The following AGAP5 variants were observed in gnomAD, a reference collection of about 807,000 sequenced individuals.
The protein encoded by AGAP5 is arf-GAP with GTPase, ANK repeat and PH domain-containing protein 5.
In AGAP5, 8 loss-of-function variants were observed where a neutral mutation model predicts 27.7. The observed-to-expected ratio is 0.29, with a 90% confidence interval of 0.17 to 0.52. The LOEUF (loss-of-function observed/expected upper bound fraction) is 0.52. AGAP5 is among the 20% of genes least tolerant of loss of function. The pLI, the probability that AGAP5 is intolerant of heterozygous loss-of-function variation, is 0.97. For missense variants in AGAP5, 285 were observed against 880.8 expected, an observed-to-expected ratio of 0.32 and a Z score of 8.56; for synonymous variants, 111 against 338.0, an observed-to-expected ratio of 0.33 and a Z score of 7.37.
At chr10:73,692,646 T>C (rs1208971979) in intron 3 of AGAP5, among the ~76,000 whole-genome samples, 1 of 142,526 alleles carries the variant, frequency 7.0e-6, no homozygotes. Flanking sequence ...TTTTTTTTTT[T>C]TTTTTTTTTT....
Position 73,698,084 on chromosome 10 carries a change from C to T in AGAP5, c.-329G>A. On this transcript the variant is annotated 5_prime_UTR_variant, in exon 1 of 8. Transcript: ENST00000374094. Reference sequence around the variant, plus strand: ...TGAAGAGAGAACAGACGGAGCTCCTCCTCCTTCTGTAGTCACCTACAGACT... The same window carrying T: ...TGAAGAGAGAACAGACGGAGCTCCTTCTCCTTCTGTAGTCACCTACAGACT... The T allele has an allele frequency of 1.5e-6, 2 of 1,307,612 alleles. No homozygotes were observed. The highest frequency in any genetic ancestry group is 9.8e-7 in the Non-Finnish European group (1 of 1,018,200). 81.0% of individuals were successfully genotyped at this position (1,307,612 alleles called of 1,614,324 possible).
At chr10:73,689,755 C>T (rs937905947) in intron 4 of AGAP5, among the ~76,000 whole-genome samples, 13 of 151,276 alleles carry the variant, frequency 8.6e-5, no homozygotes, top group Non-Finnish European at 1.9e-4. Context: ...CGCCTGGCAG[C>T]GCCCCCGTCT....
At chr10:73,686,501 G>T (rs1023628332) in intron 4 of AGAP5, among the ~76,000 whole-genome samples, 7 of 152,210 alleles carry the variant, frequency 4.6e-5, no homozygotes. Context: ...CTTAGGCAAA[G>T]ACTTCATGAC....
chr10:73,688,011 T>TAA (rs539634139), intron 4 of AGAP5, among the ~76,000 whole-genome samples: 2 of 142,968 alleles, frequency 1.4e-5, no homozygotes, highest in African/African-American at 5.1e-5. Context: ...GGGTAAAATG[T>TAA]AAAAAAAAAA....
intron 7 of AGAP5, among the ~76,000 whole-genome samples, 196 bp from the exon 8 acceptor site, chr10:73,676,270 CA>C (rs1457922890): frequency 1.1e-5 from 1 of 94,608 alleles, no homozygotes; most frequent in African/African-American, 4.3e-5. Flanking sequence ...TCCTGGCCAA[CA>C]TGGTGAAACC....
chr10:73,689,904 A>C (rs1232797681), intron 4 of AGAP5, among the ~76,000 whole-genome samples: 1 of 147,770 alleles, frequency 6.8e-6, no homozygotes, highest in African/African-American at 2.5e-5. Flanking sequence ...CCGGGAGGTG[A>C]GGGGCGCCTC....
At chr10:73,690,129 G>C (rs772889759) in intron 4 of AGAP5, among the ~76,000 whole-genome samples, 39 of 152,366 alleles carry the variant, frequency 2.6e-4, no homozygotes, top group South Asian at 1.2e-3. Flanking sequence ...CATTGAGAAC[G>C]GGCCATGATG....
At chr10:73,689,818 G>A (rs1468227188) in intron 4 of AGAP5, among the ~76,000 whole-genome samples, 1 of 151,624 alleles carries the variant, frequency 6.6e-6, no homozygotes, top group African/African-American at 2.4e-5. Context: ...GAAGTGAGGA[G>A]CGTCTCCGCC....
In AGAP5 at chr10:73,697,664, A is replaced by G. The variant is rs752251773; in HGVS notation, c.92T>C (p.Ile31Thr). 33 of 1,601,108 alleles carry G rather than the reference A, an allele frequency of 2.1e-5. No homozygotes were observed. The highest frequency in any genetic ancestry group is 2.7e-5 in the Non-Finnish European group (32 of 1,179,810). ...QGSVCPSESE[I>T]YEAGAGDRMA... is the part of the protein sequence containing the mutation. ...CCTGTCCCCAGCTCCTGCCTCATAGATCTCAGATTCAGAGGGACACACCGA... is the reference window on the plus strand; with the variant it reads ...CCTGTCCCCAGCTCCTGCCTCATAGGTCTCAGATTCAGAGGGACACACCGA... The change falls in exon 1 of 8, where the codon ATC (isoleucine) becomes ACC (threonine). Residue 31 changes from isoleucine to threonine, a missense_variant. Transcript: ENST00000374094.
intron 2 of AGAP5, among the ~76,000 whole-genome samples, chr10:73,696,366 G>A (rs1368774871): frequency 6.6e-6 from 1 of 152,192 alleles, no homozygotes; most frequent in African/African-American, 2.4e-5. Flanking sequence ...GTCAGGAGGG[G>A]AAGGGACAAA....
At chr10:73,685,593 C>T (rs2082056637) in intron 4 of AGAP5, among the ~76,000 whole-genome samples, 1 of 151,158 alleles carries the variant, frequency 6.6e-6, no homozygotes, top group South Asian at 2.1e-4. Context: ...CTCTGTTGCC[C>T]AGGCTGGAGT....
chr10:73,692,927 A>G (rs527447478), intron 3 of AGAP5, among the ~76,000 whole-genome samples: 1 of 152,232 alleles, frequency 6.6e-6, no homozygotes, highest in Non-Finnish European at 1.5e-5. Flanking sequence ...TTACAGGTGT[A>G]AGCCACAGAG....
Position 73,697,555 on chromosome 10 carries a change from A to G in AGAP5, c.201T>C (p.Ile67=). ...TACCTTCAGGCATCTCCTGGTCACG[A>G]ATGTGGTGCATGTGGAGGTCCTCAC... ...EVGEDLHMHH[I]RDQEMPEALE... The change falls in exon 1 of 8, where the codon ATT becomes ATC. Residue 67 remains isoleucine (I), a synonymous_variant. Coordinates refer to ENST00000374094, the MANE Select transcript of AGAP5 (RefSeq NM_001144000.4). 6.2e-7 allele frequency: 1 copy of G among 1,613,048 alleles called. No homozygotes were observed. Among genetic ancestry groups the G allele is most frequent in the Non-Finnish European group, 8.5e-7 (1 of 1,179,956 alleles).
chr10:73,689,461 G>A (rs1481365828), intron 4 of AGAP5, among the ~76,000 whole-genome samples: 2 of 147,000 alleles, frequency 1.4e-5, no homozygotes, highest in Non-Finnish European at 3.0e-5. Flanking sequence ...CGTCTGGGAT[G>A]TGAGGAGCCC....
At chr10:73,695,981 G>A (rs576281246) in intron 2 of AGAP5, among the ~76,000 whole-genome samples, 3 of 151,654 alleles carry the variant, frequency 2.0e-5, no homozygotes, top group African/African-American at 7.3e-5. Flanking sequence ...GCCTCTGCCA[G>A]CAGTGTAGAG....
intron 4 of AGAP5, among the ~76,000 whole-genome samples, chr10:73,689,005 C>T (rs981974405): frequency 4.6e-5 from 7 of 151,922 alleles, no homozygotes; most frequent in African/African-American, 7.3e-5. Context: ...CCTCCGCCTC[C>T]GCCTCTCCCC....
chr10:73,696,974 G>C (rs1213932956), intron 2 of AGAP5, 121 bp downstream of exon 2: 2 of 1,444,972 alleles, frequency 1.4e-6, no homozygotes, highest in Non-Finnish European at 1.9e-6. Flanking sequence ...GAAAAAATAA[G>C]ATGGGTACTG....
intron 2 of AGAP5, among the ~76,000 whole-genome samples, chr10:73,695,646 T>C (rs1175977490): frequency 2.6e-5 from 4 of 152,238 alleles, no homozygotes; most frequent in Non-Finnish European, 4.4e-5. Context: ...AATGTGAAGA[T>C]AGTACTTCCA....
At chr10:73,689,913 T>G (rs1196963314) in intron 4 of AGAP5, among the ~76,000 whole-genome samples, 1 of 150,644 alleles carries the variant, frequency 6.6e-6, no homozygotes, top group Non-Finnish European at 1.5e-5. Flanking sequence ...GAGGGGCGCC[T>G]CTGCCCGGCC....
Sources: gnomAD v4.1 joint callset for allele counts (sites outside exome capture counted in the v4.1 genomes callset) on GRCh38, gnomAD v4.1.1 for gene constraint, MANE v1.5 for transcripts, NCBI Gene and HGNC (gene_info 2026-07-23, HGNC 2026-07-21) for gene names.